The following PLAAT5 variants were observed in gnomAD, a reference collection of about 807,000 sequenced individuals.
PLAAT5 encodes Ca(2+)-independent N-acyltransferase.
Under a neutral mutation model 27.8 loss-of-function variants are expected in PLAAT5, and 27 were observed. The observed-to-expected ratio is 0.97, with a 90% CI of 0.72 to 1.34. PLAAT5 has a LOEUF of 1.34. Ranked by LOEUF, PLAAT5 falls within the 40% of genes most tolerant of loss-of-function variation. PLAAT5 has a pLI of 0.00. For synonymous variants in PLAAT5, 125 were observed against 136.1 expected (o/e 0.92, Z 0.57); for missense variants, 368 against 343.8 (o/e 1.07, Z -0.56).
chr11:63,486,419 G>GGT (rs2016435621), intron 3 of PLAAT5, among the ~76,000 whole-genome samples: 1 of 151,656 alleles, frequency 6.6e-6, no homozygotes, highest in African/African-American at 2.4e-5. Context: ...AAGAAAATGT[G>GGT]GTATATATAT....
intron 3 of PLAAT5, among the ~76,000 whole-genome samples, chr11:63,477,105 T>C (rs541096754): frequency 2.0e-5 from 3 of 152,236 alleles, no homozygotes; most frequent in Non-Finnish European, 4.4e-5. Flanking sequence ...CACTTTCCTT[T>C]AATTCTTTAA....
At chr11:63,489,471 CA>C (rs796747550) in intron 2 of PLAAT5, among the ~76,000 whole-genome samples, 3 of 152,256 alleles carry the variant, frequency 2.0e-5, no homozygotes, top group Admixed American at 2.0e-4. Context: ...TCCCTTGAAA[CA>C]AAATGTTACA....
At chr11:63,469,145 T>TGTGTGTGAGAGAGA (rs377110717) in intron 3 of PLAAT5, among the ~76,000 whole-genome samples, 12 of 122,714 alleles carry the variant, frequency 9.8e-5, no homozygotes, top group African/African-American at 3.6e-4. Context: ...TGTGTGTGTG[T>TGTGTGTGAGAGAGA]GAGAGAGAGA....
At chr11:63,479,959 CT>C (rs2016244971) in intron 3 of PLAAT5, among the ~76,000 whole-genome samples, 1 of 152,186 alleles carries the variant, frequency 6.6e-6, no homozygotes, top group African/African-American at 2.4e-5. Context: ...GAACTAACCC[CT>C]GATTCCATCT....
Position 63,491,010 on chromosome 11 carries a change from C to T in PLAAT5, c.25G>A (p.Gly9Arg). 6.6e-7 allele frequency: 1 copy of T among 1,517,226 alleles called. No individual in the cohort carries two copies. Among genetic ancestry groups the T allele is most frequent in the South Asian group, 1.3e-5 (1 of 78,916 alleles). The allele number at this position is 1,517,226 out of a possible 1,614,324, so 94.0% of individuals were successfully genotyped here. Residue 9 changes from glycine to arginine, a missense_variant, in exon 1 of 6, where the codon GGG (glycine) becomes AGG (arginine). Coordinates refer to ENST00000540857, the MANE Select transcript of PLAAT5 (RefSeq NM_001146729.2). MGLSPGAEGEYALRLPRIP... is the reference protein window; with the variant it reads MGLSPGAEREYALRLPRIP... ...CTAGGGAGGCGGAGCGCGTACTCCC[C>T]CTCGGCGCCCGGGCTCAGGCCCATC...
intron 1 of PLAAT5, 74 bp downstream of exon 1, chr11:63,490,813 C>G: frequency 7.3e-7 from 1 of 1,365,388 alleles, no homozygotes; most frequent in Non-Finnish European, 1.0e-6. Flanking sequence ...AGAAAAGGAG[C>G]TTTGAGGGTA....
rs149664092 is a variant in PLAAT5, at chr11:63,484,237, T to C, written c.345+4634A>G. Among the ~76,000 whole-genome samples the C allele has an allele frequency of 1.6e-3, 239 of 151,506 alleles. 2 individuals carry two copies. The highest frequency in any genetic ancestry group is 5.5e-3 in the African/African-American group (226 of 41,382). Reference sequence around the variant, plus strand: ...GCATTCAAAGCATTGATATCAATCTTACTGAAACTATTCCAAAAGACAGAG... The same window carrying C: ...GCATTCAAAGCATTGATATCAATCTCACTGAAACTATTCCAAAAGACAGAG... On this transcript the variant is annotated intron_variant, in intron 3 of 5. Coordinates refer to ENST00000540857, the MANE Select transcript of PLAAT5 (RefSeq NM_001146729.2).
intron 3 of PLAAT5, among the ~76,000 whole-genome samples, chr11:63,472,193 C>A (rs960424257): frequency 8.6e-5 from 13 of 151,772 alleles, no homozygotes; most frequent in South Asian, 2.1e-4. Context: ...TACCCCAGAA[C>A]TTAAAAGTTG....
intron 1 of PLAAT5, 98 bp downstream of exon 1, chr11:63,490,789 C>G (rs1257751620): frequency 3.6e-6 from 4 of 1,126,332 alleles, no homozygotes; most frequent in Non-Finnish European, 5.0e-6. Context: ...ACAACACAAT[C>G]GCCAAATGTC....
intron 3 of PLAAT5, among the ~76,000 whole-genome samples, chr11:63,486,733 C>CACT (rs2016444065): frequency 6.6e-6 from 1 of 152,052 alleles, no homozygotes; most frequent in South Asian, 2.1e-4. Flanking sequence ...GTGATGGATG[C>CACT]ACTAAAATCT....
chr11:63,466,561 C>T (rs956906966), intron 4 of PLAAT5, among the ~76,000 whole-genome samples, 189 bp from the exon 5 acceptor site: 2 of 152,112 alleles, frequency 1.3e-5, no homozygotes, highest in African/African-American at 4.8e-5. Flanking sequence ...CTTTGCCCTG[C>T]GCCTCACTCC....
intron 5 of PLAAT5, among the ~76,000 whole-genome samples, chr11:63,465,520 G>A (rs1008159952): frequency 2.6e-5 from 4 of 151,484 alleles, no homozygotes; most frequent in Admixed American, 6.6e-5. Flanking sequence ...GGCCAGTCAC[G>A]GTGGCTTACA....
intron 3 of PLAAT5, among the ~76,000 whole-genome samples, chr11:63,472,860 T>C (rs773826406): frequency 3.9e-5 from 6 of 152,078 alleles, no homozygotes; most frequent in Non-Finnish European, 5.9e-5. Context: ...TCCCAGCACT[T>C]TGGGAGGCCA....
At chr11:63,471,711 T>A (rs1346617160) in intron 3 of PLAAT5, among the ~76,000 whole-genome samples, 2 of 152,250 alleles carry the variant, frequency 1.3e-5, no homozygotes, top group Non-Finnish European at 2.9e-5. Context: ...TAGTAGTAAA[T>A]CATTTTACCA....
At chr11:63,467,261 G>T (rs2015889578) in intron 4 of PLAAT5, among the ~76,000 whole-genome samples, 1 of 152,170 alleles carries the variant, frequency 6.6e-6, no homozygotes, top group African/African-American at 2.4e-5. Flanking sequence ...CAGAGAGCAA[G>T]ATAGGGGTGG....
chr11:63,487,331 G>A (rs574637103), intron 3 of PLAAT5, among the ~76,000 whole-genome samples: 7 of 152,180 alleles, frequency 4.6e-5, no homozygotes, highest in African/African-American at 1.2e-4. Context: ...ATGAAAAGAC[G>A]TTCAACATTA....
chr11:63,464,406 C>T (rs937882875), intron 5 of PLAAT5, among the ~76,000 whole-genome samples: 3 of 152,080 alleles, frequency 2.0e-5, no homozygotes, highest in African/African-American at 7.2e-5. Context: ...GCCTGTAATC[C>T]CAGCACTTTG....
In PLAAT5 at chr11:63,490,938, C is replaced by G. The variant is rs764317106; in HGVS notation, c.97G>C (p.Gly33Arg). 4.4e-6 allele frequency: 7 copies of G among 1,597,704 alleles called. No homozygotes were observed. Among genetic ancestry groups the G allele is most frequent in the East Asian group, 2.3e-5 (1 of 43,168 alleles). The change falls in exon 1 of 6, where the codon GGG becomes CGG. Residue 33 changes from glycine (G) to arginine (R), a missense_variant. By Grantham distance (125) the Gly-to-Arg change is moderately radical. Transcript: ENST00000540857. ...PKPASRTAST[G>R]PKDQPPALRR... ...AGCGCAGGCGGCTGGTCCTTGGGCC[C>G]GGTACTGGCGGTTCGCGAGGCGGGT...
Position 63,483,789 on chromosome 11 carries a change from ATATATATATATG to A in PLAAT5, c.345+5070_345+5081del, listed in dbSNP as rs1158464420. ...TGAAATTGAAGCAAAAAAAAAATAT[ATATATATATATG>A]TATATATATATATATATATATATAT... is the stretch of plus-strand genomic sequence containing the variant. On this transcript the variant is annotated intron_variant, in intron 3 of 5. Transcript: ENST00000540857. 4.4e-4 allele frequency among the ~76,000 whole-genome samples: 33 copies of A among 74,850 alleles called. 1 individual carries two copies. The African/African-American group carries it at 5.1e-3, about 12-fold the overall frequency. The allele number at this position is 74,850 out of a possible 152,430, so 49.1% of individuals were successfully genotyped here. A position where few individuals can be genotyped will look rare whatever the true frequency, so the allele number is the denominator to read the frequency against.
Sources: allele counts gnomAD v4.1 joint callset (sites outside exome capture counted in the v4.1 genomes callset), GRCh38; gene constraint gnomAD v4.1.1; transcripts MANE v1.5; gene names NCBI Gene and HGNC (gene_info 2026-07-23, HGNC 2026-07-21).